ARMC2: variants seen among roughly 807,000 people sequenced by gnomAD.
ARMC2 encodes the protein armadillo repeat-containing protein 2.
In ARMC2, 67 loss-of-function variants were observed where a neutral mutation model predicts 90.3. The ratio of observed to expected loss-of-function variants is 0.74; its 90% confidence interval spans 0.61 to 0.91. ARMC2 has a LOEUF of 0.91. Ranked by LOEUF, ARMC2 falls within the 40% of genes least tolerant of loss-of-function variation. The pLI is 0.00. For synonymous variants in ARMC2, 393 were observed against 393.0 expected (o/e 1.00, Z 0.00); for missense variants, 920 against 1,030.9 (o/e 0.89, Z 1.47).
At chr6:108,855,247 T>TCTC (rs1284051587) in intron 2 of ARMC2, among the ~76,000 whole-genome samples, 13 of 150,844 alleles carry the variant, frequency 8.6e-5, no homozygotes, top group African/African-American at 3.2e-4. Context: ...TCTTTTTGTT[T>TCTC]TTCTTTTTTT....
rs60000198 is a variant in ARMC2, at chr6:108,932,516, C to CTTTTTTTTTTT, written c.1496+4300_1496+4310dup. On this transcript the variant is annotated intron_variant, in intron 11 of 17. Coordinates refer to ENST00000392644, the MANE Select transcript of ARMC2 (RefSeq NM_032131.6). ...TAAACAGTGAGTCTTTTCTCCATTG[C>CTTTTTTTTTTT]TTTTTTTTTTTTTTTTTTTTTTTTT... Among the ~76,000 whole-genome samples, 26 of 77,910 alleles carry CTTTTTTTTTTT rather than the reference C, an allele frequency of 3.3e-4. 2 individuals are homozygous for CTTTTTTTTTTT. Among genetic ancestry groups the CTTTTTTTTTTT allele is most frequent in the East Asian group, 1.0e-3 (2 of 1,970 alleles). 51.1% of individuals were successfully genotyped at this position (77,910 alleles called of 152,430 possible).
chr6:108,930,898 A>ATTG (rs1775507765), intron 11 of ARMC2, among the ~76,000 whole-genome samples: 2 of 120,046 alleles, frequency 1.7e-5, no homozygotes, highest in African/African-American at 6.3e-5. Context: ...CCCGGCCCCC[A>ATTG]CCCCCTTTTT....
At chr6:109,036,184 A>G in the ARMC2 span, among the ~76,000 whole-genome samples, 2 of 152,214 alleles carry the variant, frequency 1.3e-5, no homozygotes, top group Non-Finnish European at 1.5e-5. Context: ...TGGAATTCTC[A>G]GTTAAAATTT....
chr6:109,004,753 A>T, the ARMC2 span, among the ~76,000 whole-genome samples: 1 of 148,660 alleles, frequency 6.7e-6, no homozygotes, highest in Admixed American at 6.6e-5. Context: ...AAAAATGAGC[A>T]AACAACACAG....
intron 5 of ARMC2, among the ~76,000 whole-genome samples, chr6:108,892,104 G>A (rs559035752): frequency 1.3e-5 from 2 of 152,194 alleles, no homozygotes; most frequent in Admixed American, 6.5e-5. Context: ...TAGTTGAAAA[G>A]TATCTTGCTT....
At chr6:108,881,175 T>C (rs530218406) in intron 5 of ARMC2, among the ~76,000 whole-genome samples, 1 of 152,014 alleles carries the variant, frequency 6.6e-6, no homozygotes, top group East Asian at 1.9e-4. Flanking sequence ...CTTTTTCTTT[T>C]TTTTTTCTTT....
At chr6:108,928,274 A>G (rs1241524021) in intron 11 of ARMC2, 41 bp downstream of exon 11, 10 of 1,422,548 alleles carry the variant, frequency 7.0e-6, no homozygotes, top group Non-Finnish European at 8.3e-6. Context: ...CAAAAATGCT[A>G]ATGCTTAGAT....
At position 108,910,990 on chromosome 6, in the gene ARMC2, A is replaced by G. The variant is rs1321420727; in HGVS notation, c.1115A>G (p.Asp372Gly). The change falls in exon 9 of 18, where the codon GAC becomes GGC. Residue 372 changes from aspartate (D) to glycine (G), a missense_variant. Asp to Gly is a moderately conservative substitution (Grantham distance 94). Coordinates refer to ENST00000392644, the MANE Select transcript of ARMC2 (RefSeq NM_032131.6). ...AAGAATGATTCTTTGATTCAAAATG[A>G]CAGCATTCTGGGTGAGTGTCATTCA... ...NEKNDSLIQN[D>G]SILESLLEVL... is the part of the protein sequence containing the mutation. 2 of 1,576,634 alleles carry G rather than the reference A, an allele frequency of 1.3e-6. No homozygotes were observed. The highest frequency in any genetic ancestry group is 2.3e-5 in the East Asian group (1 of 44,030).
At chr6:108,903,218 G>T (rs1303225615) in intron 7 of ARMC2, among the ~76,000 whole-genome samples, 2 of 151,664 alleles carry the variant, frequency 1.3e-5, no homozygotes, top group Admixed American at 6.6e-5. Flanking sequence ...AAGATGAAAG[G>T]TTCAAGATCT....
Position 108,964,200 on chromosome 6 carries a change from C to CT in ARMC2, c.2174dup (p.Leu726AlafsTer23). Reference sequence around the variant, plus strand: ...CGTAGTCCACAGGTTCATGATGGCGCTGCTGGATGCTCAGCATCAGGATAT... The same window carrying CT: ...CGTAGTCCACAGGTTCATGATGGCGCTTGCTGGATGCTCAGCATCAGGATAT... On this transcript the variant is annotated frameshift_variant, in exon 16 of 18. Transcript: ENST00000392644. LOFTEE classifies it high-confidence loss of function. 1 of 1,613,916 alleles carries CT rather than the reference C, an allele frequency of 6.2e-7. No homozygotes were observed. Among genetic ancestry groups the CT allele is most frequent in the Non-Finnish European group, 8.5e-7 (1 of 1,179,852 alleles).
At chr6:109,051,930 G>A in the ARMC2 span, among the ~76,000 whole-genome samples, 1 of 152,078 alleles carries the variant, frequency 6.6e-6, no homozygotes, top group Non-Finnish European at 1.5e-5. Context: ...CAGCCCTCTG[G>A]CCTAATCACC....
rs764676726 is a variant in ARMC2 at position 108,928,224 on chromosome 6, G to A, written c.1487G>A (p.Arg496Lys). Residue 496 changes from arginine to lysine, a missense_variant, in exon 11 of 18, where the codon AGA becomes AAA. Arg to Lys is a conservative substitution (Grantham distance 26, BLOSUM62 2). Transcript: ENST00000392644. ...AAGGACGTCTGTACCAATATTGCCA[G>A]AATATTCAGGTAGGTAGACTAAGAC... ...GDKDVCTNIA[R>K]IFSKLTSYRD... 2 of 1,538,652 alleles carry A rather than the reference G, an allele frequency of 1.3e-6. No homozygotes were observed. Among genetic ancestry groups the A allele is most frequent in the African/African-American group, 2.8e-5 (2 of 72,316 alleles).
chr6:108,988,461 GT>G, the ARMC2 span: 35 of 1,269,832 alleles, frequency 2.8e-5, no homozygotes, highest in South Asian at 2.2e-4. Flanking sequence ...GATGGAAAGG[GT>G]TTCAGCACCA....
intron 10 of ARMC2, among the ~76,000 whole-genome samples, chr6:108,916,981 A>T (rs1253003385): frequency 1.3e-5 from 2 of 152,156 alleles, no homozygotes; most frequent in Non-Finnish European, 2.9e-5. Context: ...TGATTGAAGG[A>T]AATCTCAATG....
intron 5 of ARMC2, among the ~76,000 whole-genome samples, chr6:108,893,398 C>G (rs1041487191): frequency 2.0e-5 from 3 of 152,180 alleles, no homozygotes; most frequent in African/African-American, 7.2e-5. Context: ...AGTTCCAAAT[C>G]TGTCTTTACT....
intron 13 of ARMC2, among the ~76,000 whole-genome samples, chr6:108,957,744 G>C (rs1777703021): frequency 6.6e-6 from 1 of 152,176 alleles, no homozygotes; most frequent in Admixed American, 6.5e-5. Context: ...AATGTTTCTA[G>C]TAAGAACTGA....
chr6:108,859,352 G>T (rs2128419590), intron 3 of ARMC2, among the ~76,000 whole-genome samples: 1 of 152,162 alleles, frequency 6.6e-6, no homozygotes, highest in East Asian at 1.9e-4. Flanking sequence ...CTTTTTCGTG[G>T]TTCTTATGTC....
intron 10 of ARMC2, among the ~76,000 whole-genome samples, chr6:108,918,834 A>G (rs1250439767): frequency 6.6e-6 from 1 of 152,248 alleles, no homozygotes; most frequent in Non-Finnish European, 1.5e-5. Context: ...CATAGTAGGC[A>G]CTCACCAGAA....
the ARMC2 span, among the ~76,000 whole-genome samples, chr6:109,041,755 A>G: frequency 6.6e-6 from 1 of 152,188 alleles, no homozygotes; most frequent in Admixed American, 6.5e-5. Context: ...TTATAGCAGG[A>G]GACTTCAACA....
Sources: allele counts gnomAD v4.1 joint callset (sites outside exome capture counted in the v4.1 genomes callset), GRCh38; gene constraint gnomAD v4.1.1; transcripts MANE v1.5; gene names NCBI Gene and HGNC (gene_info 2026-07-23, HGNC 2026-07-21).